CENPQ: variants seen among roughly 807,000 people sequenced by gnomAD.
CENPQ encodes the protein chromosome 6 open reading frame 139.
CENPQ carries 27 observed loss-of-function variants against 36.6 expected under a neutral mutation model. The ratio of observed to expected loss-of-function variants is 0.74; its 90% CI spans 0.54 to 1.02. The LOEUF is 1.02. Ranked by LOEUF, CENPQ falls within the 50% of genes least tolerant of loss-of-function variation. The probability of loss-of-function intolerance (pLI) is 0.00; values close to 1 mark genes in which losing one functional copy is unlikely to be tolerated. For synonymous variants in CENPQ, 101 were observed against 101.7 expected, an observed-to-expected ratio of 0.99 and a Z score of 0.04; for missense variants, 306 against 301.8, an observed-to-expected ratio of 1.01 and a Z score of -0.10.
chr6:49,491,271 C>T (rs978127469), intron 8 of CENPQ, among the ~76,000 whole-genome samples: 11 of 152,260 alleles, frequency 7.2e-5, no homozygotes, highest in African/African-American at 2.2e-4. Flanking sequence ...TTGTCAGTCA[C>T]GTAGATCTCT....
At chr6:49,484,155 C>T (rs1768523551) in intron 6 of CENPQ, among the ~76,000 whole-genome samples, 1 of 152,148 alleles carries the variant, frequency 6.6e-6, no homozygotes, top group Non-Finnish European at 1.5e-5. Flanking sequence ...CTGGGGACTT[C>T]CTACACTCCA....
In CENPQ at chr6:49,492,147, G is replaced by C; in HGVS notation, c.679G>C (p.Glu227Gln). 1 of 1,595,502 alleles carries C rather than the reference G, an allele frequency of 6.3e-7. No individual in the cohort carries two copies. The highest frequency in any genetic ancestry group is 1.2e-5 in the South Asian group (1 of 85,716). The change falls in exon 9 of 9, where the codon GAA becomes CAA. Residue 227 changes from glutamate to glutamine, a missense_variant. Glu to Gln is a conservative substitution (Grantham distance 29). Transcript: ENST00000335783. Reference sequence around the variant, plus strand: ...TTTAATACTATCTTTCCCACAGAAAGAAATTTTGGCGCTAATTCCAAACCA... The same window carrying C: ...TTTAATACTATCTTTCCCACAGAAACAAATTTTGGCGCTAATTCCAAACCA... The part of the protein sequence containing the change: ...KTLKAPTLQK[E>Q]ILALIPNQNA...
In CENPQ at chr6:49,468,352, G is replaced by A. The variant is rs181636156; in HGVS notation, c.-18-1807G>A. On this transcript the variant is annotated intron_variant, in intron 1 of 8. Transcript: ENST00000335783. ...TCACGCCTGTAATCTCAGCGCTTTG[G>A]GAGACCGAGGCAGGAGGATCACTTG... 3.9e-5 allele frequency among the ~76,000 whole-genome samples: 6 copies of A among 152,126 alleles called. No homozygotes were observed. In the East Asian group the frequency reaches 1.2e-3, roughly 30 times the overall value.
At chr6:49,467,291 C>A (rs1237563859) in intron 1 of CENPQ, among the ~76,000 whole-genome samples, 6 of 152,022 alleles carry the variant, frequency 3.9e-5, no homozygotes, top group African/African-American at 1.2e-4. Flanking sequence ...AGTCAAACTC[C>A]CTTGTGGTAT....
intron 6 of CENPQ, among the ~76,000 whole-genome samples, chr6:49,483,594 C>A (rs903883337): frequency 6.6e-6 from 1 of 152,212 alleles, no homozygotes. Context: ...AGCGAGAAAT[C>A]GAGCAGTGCC....
intron 6 of CENPQ, among the ~76,000 whole-genome samples, chr6:49,488,126 A>T (rs1768632724): frequency 6.6e-6 from 1 of 152,222 alleles, no homozygotes; most frequent in African/African-American, 2.4e-5. Flanking sequence ...ACATCTCCTT[A>T]TTCCAGGGAA....
chr6:49,473,683 A>T (rs1446033539), intron 5 of CENPQ, among the ~76,000 whole-genome samples: 1 of 152,172 alleles, frequency 6.6e-6, no homozygotes, highest in Non-Finnish European at 1.5e-5. Flanking sequence ...TTAACCTTAA[A>T]TGTAAATGGG....
Position 49,480,990 on chromosome 6 carries a change from A to T in CENPQ, c.387A>T (p.Lys129Asn). Reference protein sequence around the residue: ...QQCETLKVPPKKMEDLTNVSS... With the variant: ...QQCETLKVPPNKMEDLTNVSS... The stretch of plus-strand genomic sequence containing the variant: ...GTGAAACTCTGAAAGTCCCTCCCAA[A>T]AAGATGGAAGATTTAACTAATGTAT... Residue 129 changes from lysine (K) to asparagine (N), a missense_variant, in exon 6 of 9, where the codon AAA (lysine) becomes AAT (asparagine). Physicochemically the swap from Lys to Asn is moderately conservative, Grantham distance 94. Coordinates refer to ENST00000335783, the MANE Select transcript of CENPQ (RefSeq NM_018132.4). 6.2e-7 allele frequency: 1 copy of T among 1,608,784 alleles called. No homozygotes were observed.
In CENPQ at chr6:49,492,226, G is replaced by T. The variant is rs777200202; in HGVS notation, c.758G>T (p.Ser253Ile). The change falls in exon 9 of 9, where the codon AGC becomes ATC. Residue 253 changes from serine to isoleucine, a missense_variant. Coordinates refer to ENST00000335783, the MANE Select transcript of CENPQ (RefSeq NM_018132.4). ...DILHNSSQMK[S>I]MSTFIEEAYK... is the part of the protein sequence containing the mutation. Reference sequence around the variant, plus strand: ...CTTCATAATTCATCACAGATGAAGAGCATGTCAACCTTCATTGAAGAAGCC... The same window carrying T: ...CTTCATAATTCATCACAGATGAAGATCATGTCAACCTTCATTGAAGAAGCC... 8 of 1,606,280 alleles carry T rather than the reference G, an allele frequency of 5.0e-6. No individual in the cohort carries two copies. The highest frequency in any genetic ancestry group is 1.7e-4 in the Middle Eastern group (1 of 5,932).
At position 49,487,454 on chromosome 6, in the gene CENPQ, T is replaced by TAAAAA. The variant is rs759527083; in HGVS notation, c.478-888_478-884dup. ...GCTGACCCCTGCAGCTACCCTTTCT[T>TAAAAA]AAAAAAAAAAAAAAGTCATTTAGAA... On this transcript the variant is annotated intron_variant, in intron 6 of 8. Transcript: ENST00000335783. Among the ~76,000 whole-genome samples, 132 of 93,280 alleles carry TAAAAA rather than the reference T, an allele frequency of 1.4e-3. 3 individuals carry two copies. Among genetic ancestry groups the TAAAAA allele is most frequent in the Middle Eastern group, 9.4e-3 (1 of 106 alleles). The allele number at this position is 93,280 out of a possible 152,430, so 61.2% of individuals were successfully genotyped here.
chr6:49,489,238 A>AT (rs1768664042), intron 8 of CENPQ, among the ~76,000 whole-genome samples: 1 of 152,170 alleles, frequency 6.6e-6, no homozygotes, highest in Non-Finnish European at 1.5e-5. Context: ...GTCATATACT[A>AT]TATCCTTCAT....
chr6:49,465,557 A>G (rs1767981448), intron 1 of CENPQ, among the ~76,000 whole-genome samples: 1 of 152,192 alleles, frequency 6.6e-6, no homozygotes, highest in African/African-American at 2.4e-5. Context: ...TTCATCAATT[A>G]TCTTACCTAG....
chr6:49,480,753 AAATCTT>A (rs375081862), intron 5 of CENPQ, among the ~76,000 whole-genome samples, 192 bp from the exon 6 acceptor site: 1 of 152,322 alleles, frequency 6.6e-6, no homozygotes, highest in African/African-American at 2.4e-5. Context: ...AATTTGAGGT[AAATCTT>A]AATAAATTGA....
chr6:49,471,985 G>T (rs1033194923), intron 3 of CENPQ, 78 bp from the exon 4 acceptor site: 2 of 1,439,166 alleles, frequency 1.4e-6, no homozygotes, highest in African/African-American at 2.9e-5. Context: ...AGCTTTTTTA[G>T]ATGAAAACAT....
intron 6 of CENPQ, among the ~76,000 whole-genome samples, chr6:49,486,347 C>G (rs1768578141): frequency 6.6e-6 from 1 of 152,142 alleles, no homozygotes; most frequent in Non-Finnish European, 1.5e-5. Context: ...GGTACAGCAG[C>G]CACGGGAAAC....
intron 5 of CENPQ, among the ~76,000 whole-genome samples, chr6:49,475,287 G>A (rs137898744): frequency 2.6e-5 from 4 of 152,072 alleles, no homozygotes; most frequent in African/African-American, 7.2e-5. Flanking sequence ...ATCAATAAAC[G>A]TAATCCAGCA....
At chr6:49,474,756 A>C (rs1768238023) in intron 5 of CENPQ, among the ~76,000 whole-genome samples, 1 of 152,198 alleles carries the variant, frequency 6.6e-6, no homozygotes, top group South Asian at 2.1e-4. Context: ...AAATTGATAG[A>C]CCACTAGCAA....
chr6:49,469,224 A>G (rs1322054675), intron 1 of CENPQ, among the ~76,000 whole-genome samples: 3 of 152,210 alleles, frequency 2.0e-5, no homozygotes, highest in Non-Finnish European at 2.9e-5. Flanking sequence ...ATCTGCACAT[A>G]TATTTAAACT....
In CENPQ at chr6:49,485,232, A is replaced by G. The variant is rs1768547041; in HGVS notation, c.478-3120A>G. On this transcript the variant is annotated intron_variant, in intron 6 of 8. Transcript: ENST00000335783. ...CTGCAGCCTAGAGTCATTGCTGGTG[A>G]TGATCTTCCAAAACCTGTAATAGTA... 2.0e-5 allele frequency among the ~76,000 whole-genome samples: 3 copies of G among 152,324 alleles called. No homozygotes were observed. The South Asian group carries it at 6.2e-4, about 32-fold the overall frequency.
Sources: gnomAD v4.1 joint callset for allele counts (sites outside exome capture counted in the v4.1 genomes callset) on GRCh38, gnomAD v4.1.1 for gene constraint, MANE v1.5 for transcripts, NCBI Gene and HGNC (gene_info 2026-07-23, HGNC 2026-07-21) for gene names.